PIK3CB: variants seen among roughly 807,000 people sequenced by gnomAD.
PIK3CB encodes phosphatidylinositol 4,5-bisphosphate 3-kinase catalytic subunit beta isoform.
PIK3CB carries 39 observed loss-of-function variants against 136.8 expected under a neutral mutation model. The observed-to-expected ratio is 0.29, with a 90% CI of 0.22 to 0.37. The LOEUF (loss-of-function observed/expected upper bound fraction) is 0.37. PIK3CB is among the 10% of genes least tolerant of loss of function. The pLI, the probability that PIK3CB is intolerant of heterozygous loss-of-function variation, is 1.00. For synonymous variants in PIK3CB, 428 were observed against 436.6 expected (o/e 0.98, Z 0.25); for missense variants, 868 against 1,275.4 (o/e 0.68, Z 4.87).
intron 2 of PIK3CB, among the ~76,000 whole-genome samples, chr3:138,772,365 G>A (rs907926486): frequency 6.6e-6 from 1 of 152,104 alleles, no homozygotes; most frequent in Admixed American, 6.5e-5. Context: ...CTCTTTTAAA[G>A]TTCTATTGTT....
chr3:138,677,024 A>G (rs909153083), intron 19 of PIK3CB, among the ~76,000 whole-genome samples: 1 of 152,172 alleles, frequency 6.6e-6, no homozygotes, highest in African/African-American at 2.4e-5. Flanking sequence ...AATAGTAAAC[A>G]AAAACTCCAT....
intron 19 of PIK3CB, among the ~76,000 whole-genome samples, chr3:138,673,397 G>A (rs1299379673): frequency 6.6e-6 from 1 of 152,126 alleles, no homozygotes; most frequent in Non-Finnish European, 1.5e-5. Flanking sequence ...ACTTTTTGAT[G>A]CACTAAGGTG....
At chr3:138,669,489 G>A (rs4894323) in intron 19 of PIK3CB, among the ~76,000 whole-genome samples, 4 of 151,638 alleles carry the variant, frequency 2.6e-5, no homozygotes, top group Admixed American at 2.0e-4. Context: ...CTTAATGGAG[G>A]CAACTGTCAA....
chr3:138,726,486 C>T (rs1028258731), intron 8 of PIK3CB, among the ~76,000 whole-genome samples: 1 of 152,128 alleles, frequency 6.6e-6, no homozygotes, highest in African/African-American at 2.4e-5. Flanking sequence ...TCTGCCTGTC[C>T]CCGCTTCTCC....
chr3:138,828,047 G>A (rs767140706), intron 1 of PIK3CB, among the ~76,000 whole-genome samples: 3 of 151,990 alleles, frequency 2.0e-5, no homozygotes, highest in African/African-American at 7.2e-5. Context: ...TAGGGTCTCT[G>A]GTTACTGTCT....
At chr3:138,778,270 C>T (rs778177306) in intron 2 of PIK3CB, 5 of 403,122 alleles carry the variant, frequency 1.2e-5, no homozygotes, top group African/African-American at 2.1e-5. Flanking sequence ...CCCAGCAAAC[C>T]TTCTATACCA....
At chr3:138,728,503 C>G (rs968121843) in intron 8 of PIK3CB, among the ~76,000 whole-genome samples, 2 of 152,076 alleles carry the variant, frequency 1.3e-5, no homozygotes, top group Admixed American at 1.3e-4. Flanking sequence ...GGATGCCAGG[C>G]GCAGTGGCTC....
At chr3:138,735,697 A>G (rs1257100688) in intron 6 of PIK3CB, among the ~76,000 whole-genome samples, 1 of 152,154 alleles carries the variant, frequency 6.6e-6, no homozygotes, top group East Asian at 1.9e-4. Flanking sequence ...GTGATTATTC[A>G]TATTACCAAA....
At chr3:138,658,947 G>A (rs559466933) in intron 21 of PIK3CB, among the ~76,000 whole-genome samples, 6 of 152,250 alleles carry the variant, frequency 3.9e-5, no homozygotes, top group East Asian at 1.9e-4. Context: ...GTTGTTCTCC[G>A]GTGTTGCTGC....
chr3:138,781,885 G>A (rs1258193071), intron 2 of PIK3CB, among the ~76,000 whole-genome samples: 3 of 152,278 alleles, frequency 2.0e-5, no homozygotes, highest in Non-Finnish European at 4.4e-5. Flanking sequence ...TAATGCCACT[G>A]TACTCTAGCC....
chr3:138,760,349 C>A (rs1576397314), intron 2 of PIK3CB, among the ~76,000 whole-genome samples: 1 of 152,204 alleles, frequency 6.6e-6, no homozygotes, highest in Non-Finnish European at 1.5e-5. Flanking sequence ...TCTCCCATCA[C>A]TCTACAGCCC....
In PIK3CB at chr3:138,680,049, G is replaced by A. The variant is rs117570269; in HGVS notation, c.2504+1918C>T. On this transcript the variant is annotated intron_variant, in intron 19 of 23. Coordinates refer to ENST00000674063, the MANE Select transcript of PIK3CB (RefSeq NM_006219.3). ...AGGAAGCAAATCTCTAATAATAACT[G>A]ACAATAACTGCATATAAAAAGAAGA... 2.0e-3 allele frequency among the ~76,000 whole-genome samples: 304 copies of A among 151,256 alleles called. 10 individuals carry two copies. The East Asian group carries it at 0.056, about 28-fold the overall frequency.
chr3:138,707,180 A>G lies in PIK3CB; in HGVS notation c.1509T>C (p.Tyr503=). Reference sequence around the variant, plus strand: ...TTACCTTATCGAAGGGAGGGTAATAATAAGGTTGTTTTTTATTCTCTGGAA... The same window carrying G: ...TTACCTTATCGAAGGGAGGGTAATAGTAAGGTTGTTTTTTATTCTCTGGAA... ...VKFPENKKQP[Y]YYPPFDKIIE... Residue 503 remains tyrosine, a synonymous_variant, in exon 11 of 24, where the codon TAT becomes TAC. Transcript: ENST00000674063. 3 of 1,604,258 alleles carry G rather than the reference A, an allele frequency of 1.9e-6. No individual in the cohort carries two copies. Among genetic ancestry groups the G allele is most frequent in the Non-Finnish European group, 2.6e-6 (3 of 1,171,908 alleles).
chr3:138,655,175 T>C lies in PIK3CB; in HGVS notation c.*214A>G, dbSNP rs2043170408. ...GGAAATGATTATCCATTGACAGTTTTCATGATAAGTCTTGGAAGCATTCAA... is the reference window on the plus strand; with the variant it reads ...GGAAATGATTATCCATTGACAGTTTCCATGATAAGTCTTGGAAGCATTCAA... On this transcript the variant is annotated 3_prime_UTR_variant, in exon 24 of 24. Coordinates refer to ENST00000674063, the MANE Select transcript of PIK3CB (RefSeq NM_006219.3). 1 of 510,064 alleles carries C rather than the reference T, an allele frequency of 2.0e-6. No individual in the cohort carries two copies. The allele number at this position is 510,064 out of a possible 1,614,324, so 31.6% of individuals were successfully genotyped here.
intron 1 of PIK3CB, chr3:138,797,356 G>A (rs2046120150): frequency 6.6e-6 from 1 of 152,100 alleles, no homozygotes; most frequent in Non-Finnish European, 1.5e-5. Flanking sequence ...ATTTCAAGAC[G>A]GTGACAGCTT....
chr3:138,759,338 GC>G lies in PIK3CB; in HGVS notation c.5del (p.Cys2SerfsTer5). 1.2e-6 allele frequency: 2 copies of G among 1,605,670 alleles called. No homozygotes were observed. The highest frequency in any genetic ancestry group is 1.1e-5 in the South Asian group (1 of 90,030). On this transcript the variant is annotated frameshift_variant, in exon 3 of 24. Coordinates refer to ENST00000674063, the MANE Select transcript of PIK3CB (RefSeq NM_006219.3). LOFTEE classifies it high-confidence loss of function. The stretch of plus-strand genomic sequence containing the variant: ...TAGCAGGAGGCATTATGAAACTGAA[GC>G]ACATTCATAACCACGGGGCCCTAGA... The part of the protein sequence containing the change: M[C>X]FSFIMPPAMA...
chr3:138,810,579 A>C (rs994575955), intron 1 of PIK3CB, among the ~76,000 whole-genome samples: 1 of 152,104 alleles, frequency 6.6e-6, no homozygotes, highest in Non-Finnish European at 1.5e-5. Context: ...GACATTATGC[A>C]AAACAACTGA....
Position 138,808,750 on chromosome 3 carries a change from C to CTA in PIK3CB, c.-121-12185_-121-12184dup, listed in dbSNP as rs1004136290. ...TCTCTCCTTTTCTCTCTCTCTCTCT[C>CTA]TATATATATATACACACACACTATA... is the stretch of plus-strand genomic sequence containing the variant. On this transcript the variant is annotated intron_variant, in intron 1 of 23. Transcript: ENST00000674063. Among the ~76,000 whole-genome samples the CTA allele has an allele frequency of 1.1e-3, 164 of 150,154 alleles. 1 individual carries two copies. The highest frequency in any genetic ancestry group is 3.1e-3 in the African/African-American group (127 of 40,896).
intron 13 of PIK3CB, among the ~76,000 whole-genome samples, chr3:138,697,786 G>C (rs2044169578): frequency 6.6e-6 from 1 of 152,008 alleles, no homozygotes; most frequent in Non-Finnish European, 1.5e-5. Context: ...GCCCAGGGTA[G>C]AGTGCAATGG....
Sources: gnomAD v4.1 joint callset for allele counts (sites outside exome capture counted in the v4.1 genomes callset) on GRCh38, gnomAD v4.1.1 for gene constraint, MANE v1.5 for transcripts, NCBI Gene and HGNC (gene_info 2026-07-23, HGNC 2026-07-21) for gene names.